GALNT13: variants seen among roughly 807,000 people sequenced by gnomAD.
GALNT13 encodes polypeptide N-acetylgalactosaminyltransferase 13.
A neutral mutation model predicts 64.2 loss-of-function variants in GALNT13; 28 were observed. The ratio of observed to expected loss-of-function variants is 0.44; its 90% CI spans 0.32 to 0.60. The LOEUF is 0.60. GALNT13 is among the 20% of genes least tolerant of loss of function. The probability of loss-of-function intolerance (pLI) is 0.05; values close to 1 mark genes in which losing one functional copy is unlikely to be tolerated. For missense variants in GALNT13, 577 were observed against 669.8 expected, an observed-to-expected ratio of 0.86 and a Z score of 1.53; for synonymous variants, 214 against 224.6, an observed-to-expected ratio of 0.95 and a Z score of 0.42.
the GALNT13 span, among the ~76,000 whole-genome samples, chr2:153,221,628 C>T: frequency 2.0e-5 from 3 of 152,152 alleles, no homozygotes; most frequent in Non-Finnish European, 4.4e-5. Flanking sequence ...AGGCAGGCTG[C>T]CCTTGGTTCT....
the GALNT13 span, among the ~76,000 whole-genome samples, chr2:153,241,905 G>A: frequency 3.3e-5 from 5 of 151,966 alleles, no homozygotes; most frequent in South Asian, 4.1e-4. Context: ...AGCATGACAG[G>A]CTGGTCAGTT....
the GALNT13 span, among the ~76,000 whole-genome samples, chr2:153,373,513 T>C: frequency 2.0e-5 from 3 of 152,146 alleles, no homozygotes; most frequent in Admixed American, 1.3e-4. Flanking sequence ...ACAATTTTGA[T>C]TGAGGTTGTA....
chr2:153,905,291 C>T (rs564037178), intron 2 of GALNT13, among the ~76,000 whole-genome samples: 9 of 152,016 alleles, frequency 5.9e-5, no homozygotes, highest in Non-Finnish European at 1.0e-4. Flanking sequence ...AGCATTTCCT[C>T]CTTATTAACT....
At chr2:153,094,584 A>G in the GALNT13 span, among the ~76,000 whole-genome samples, 3 of 152,196 alleles carry the variant, frequency 2.0e-5, no homozygotes, top group Non-Finnish European at 4.4e-5. Flanking sequence ...TGCCAAGACA[A>G]TCCTAAGCCA....
At chr2:153,281,798 C>G in the GALNT13 span, among the ~76,000 whole-genome samples, 3 of 148,600 alleles carry the variant, frequency 2.0e-5, no homozygotes, top group African/African-American at 7.4e-5. Flanking sequence ...TGTGATCTGA[C>G]ATTTTTCTCT....
chr2:153,747,443 T>TTTG, the GALNT13 span, among the ~76,000 whole-genome samples: 1 of 145,158 alleles, frequency 6.9e-6, no homozygotes, highest in African/African-American at 2.6e-5. Flanking sequence ...TTTTTTTTTT[T>TTTG]TTTTTAGATA....
the GALNT13 span, among the ~76,000 whole-genome samples, chr2:153,729,510 C>A: frequency 6.6e-6 from 1 of 151,990 alleles, no homozygotes; most frequent in South Asian, 2.1e-4. Context: ...TTAATAAAAG[C>A]TTTCTACTGT....
chr2:154,289,045 GA>G (rs1692448313), intron 8 of GALNT13, among the ~76,000 whole-genome samples: 1 of 152,186 alleles, frequency 6.6e-6, no homozygotes, highest in African/African-American at 2.4e-5. Context: ...CCTCTATCTG[GA>G]CATTCAGGCA....
chr2:153,772,878 C>G, the GALNT13 span, among the ~76,000 whole-genome samples: 31 of 152,160 alleles, frequency 2.0e-4, no homozygotes, highest in Non-Finnish European at 4.1e-4. Flanking sequence ...TTGTTTTAGG[C>G]TCTCTACATG....
intron 9 of GALNT13, among the ~76,000 whole-genome samples, chr2:154,353,625 C>A (rs1260281122): frequency 1.3e-5 from 2 of 152,080 alleles, no homozygotes; most frequent in Non-Finnish European, 2.9e-5. Context: ...CAAGTTTGAC[C>A]TTTTTATTTT....
chr2:153,497,728 G>T, the GALNT13 span, among the ~76,000 whole-genome samples: 1 of 151,644 alleles, frequency 6.6e-6, no homozygotes, highest in Non-Finnish European at 1.5e-5. Flanking sequence ...AGTAGAGACG[G>T]GGTTTCACCA....
chr2:153,384,414 T>G, the GALNT13 span, among the ~76,000 whole-genome samples: 2 of 152,172 alleles, frequency 1.3e-5, no homozygotes, highest in South Asian at 4.1e-4. Flanking sequence ...AAGCAGTGAC[T>G]CTTCGATTAA....
the GALNT13 span, among the ~76,000 whole-genome samples, chr2:153,465,074 T>C: frequency 1.3e-5 from 2 of 152,134 alleles, no homozygotes; most frequent in African/African-American, 4.8e-5. Flanking sequence ...CTGTTTCCAA[T>C]TTGATGAACA....
intron 1 of GALNT13, among the ~76,000 whole-genome samples, chr2:153,884,606 T>C (rs1051219991): frequency 9.9e-5 from 15 of 151,404 alleles, no homozygotes; most frequent in African/African-American, 3.6e-4. Flanking sequence ...TAACATGTCA[T>C]TTAAGTTCTC....
chr2:153,644,801 G>T, the GALNT13 span, among the ~76,000 whole-genome samples: 1 of 152,120 alleles, frequency 6.6e-6, no homozygotes, highest in South Asian at 2.1e-4. Flanking sequence ...GATTCAGATA[G>T]GTCCGAGCCA....
At chr2:153,768,485 C>A in the GALNT13 span, among the ~76,000 whole-genome samples, 1 of 152,162 alleles carries the variant, frequency 6.6e-6, no homozygotes, top group African/African-American at 2.4e-5. Flanking sequence ...GTATTAGATG[C>A]ATACATATTT....
the GALNT13 span, among the ~76,000 whole-genome samples, chr2:153,193,799 ATC>A: frequency 2.0e-5 from 3 of 152,076 alleles, no homozygotes; most frequent in African/African-American, 7.2e-5. Flanking sequence ...TGGTGATGAA[ATC>A]TCTCAGTTTT....
At chr2:153,884,735 A>G (rs993880494) in intron 1 of GALNT13, among the ~76,000 whole-genome samples, 1 of 148,936 alleles carries the variant, frequency 6.7e-6, no homozygotes, top group African/African-American at 2.5e-5. Flanking sequence ...CCTGGCCAAC[A>G]TGGTGAAACC....
At chr2:153,786,218 C>G in the GALNT13 span, among the ~76,000 whole-genome samples, 1 of 152,182 alleles carries the variant, frequency 6.6e-6, no homozygotes, top group African/African-American at 2.4e-5. Flanking sequence ...AGTCAACCAA[C>G]AACCCTTCTG....
Sources: gnomAD v4.1 joint callset for allele counts (sites outside exome capture counted in the v4.1 genomes callset) on GRCh38, gnomAD v4.1.1 for gene constraint, MANE v1.5 for transcripts, NCBI Gene and HGNC (gene_info 2026-07-23, HGNC 2026-07-21) for gene names.